The following PTPRK variants were observed in gnomAD, a reference collection of about 807,000 sequenced individuals.
PTPRK encodes protein tyrosine phosphatase receptor type K, also known as receptor-type tyrosine-protein phosphatase kappa.
PTPRK carries 75 observed loss-of-function variants against 178.0 expected under a neutral mutation model. That is an observed-to-expected ratio of 0.42 (90% CI 0.35 to 0.51). The LOEUF is 0.51. PTPRK is among the 20% of genes least tolerant of loss of function. The probability of loss-of-function intolerance (pLI) is 0.02; values close to 1 mark genes in which losing one functional copy is unlikely to be tolerated. For missense variants in PTPRK, 1,441 were observed against 1,797.8 expected (o/e 0.80, Z 3.59); for synonymous variants, 637 against 620.6 (o/e 1.03, Z -0.39).
intron 2 of PTPRK, among the ~76,000 whole-genome samples, chr6:128,381,849 T>G (rs1204629939): frequency 2.0e-5 from 3 of 152,140 alleles, no homozygotes; most frequent in Non-Finnish European, 4.4e-5. Flanking sequence ...AAACGGAAGT[T>G]TAGACTAGAG....
intron 1 of PTPRK, among the ~76,000 whole-genome samples, chr6:128,459,231 A>T (rs985366924): frequency 2.0e-5 from 3 of 152,130 alleles, no homozygotes; most frequent in Non-Finnish European, 4.4e-5. Flanking sequence ...GATCACACTA[A>T]ATTAATTTAC....
intron 3 of PTPRK, among the ~76,000 whole-genome samples, chr6:128,273,924 C>A (rs947203922): frequency 6.6e-6 from 1 of 152,070 alleles, no homozygotes. Flanking sequence ...TATACTCCCC[C>A]TTTTCACCAA....
At chr6:128,127,042 C>T (rs1326988159) in intron 7 of PTPRK, among the ~76,000 whole-genome samples, 1 of 151,852 alleles carries the variant, frequency 6.6e-6, no homozygotes, top group African/African-American at 2.4e-5. Flanking sequence ...GTTGAAAAGA[C>T]ACTACTTTCT....
intron 13 of PTPRK, among the ~76,000 whole-genome samples, chr6:128,033,254 G>A (rs1775654285): frequency 1.3e-5 from 2 of 152,148 alleles, no homozygotes; most frequent in Admixed American, 1.3e-4. Context: ...ATTTGACAGT[G>A]GATTTTATTG....
intron 3 of PTPRK, among the ~76,000 whole-genome samples, chr6:128,306,293 T>C (rs892393775): frequency 6.6e-6 from 1 of 152,148 alleles, no homozygotes; most frequent in African/African-American, 2.4e-5. Context: ...AATGATAGAA[T>C]GGATTGGATT....
chr6:127,997,760 C>CGGCA (rs1777330303), intron 16 of PTPRK, among the ~76,000 whole-genome samples: 1 of 152,028 alleles, frequency 6.6e-6, no homozygotes, highest in Non-Finnish European at 1.5e-5. Context: ...TTTGTTACCA[C>CGGCA]GGCAGTGTTT....
chr6:128,375,352 G>C (rs1356309086), intron 2 of PTPRK, among the ~76,000 whole-genome samples: 1 of 151,788 alleles, frequency 6.6e-6, no homozygotes, highest in African/African-American at 2.4e-5. Context: ...AGCAAGTTAT[G>C]TCTTACATGG....
intron 7 of PTPRK, among the ~76,000 whole-genome samples, chr6:128,166,716 C>A (rs975558440): frequency 6.6e-6 from 1 of 151,640 alleles, no homozygotes; most frequent in Non-Finnish European, 1.5e-5. Flanking sequence ...CATTATCCCC[C>A]AAGTTCATTT....
intron 5 of PTPRK, among the ~76,000 whole-genome samples, chr6:128,236,114 G>A (rs201860301): frequency 1.3e-5 from 2 of 151,920 alleles, no homozygotes; most frequent in East Asian, 3.9e-4. Context: ...CATCCACTGG[G>A]CTTTTTGGAA....
chr6:128,424,316 G>A (rs1843840625), intron 1 of PTPRK, among the ~76,000 whole-genome samples: 1 of 152,146 alleles, frequency 6.6e-6, no homozygotes, highest in Admixed American at 6.5e-5. Context: ...AAAGAATAGT[G>A]GCTGCGGAAA....
At chr6:128,338,601 G>A (rs1469851958) in intron 2 of PTPRK, among the ~76,000 whole-genome samples, 2 of 152,090 alleles carry the variant, frequency 1.3e-5, no homozygotes, top group African/African-American at 2.4e-5. Flanking sequence ...CCTACTGCTG[G>A]GTGCAGACAA....
chr6:127,979,030 A>G (rs1270570757), intron 25 of PTPRK, among the ~76,000 whole-genome samples: 1 of 152,206 alleles, frequency 6.6e-6, no homozygotes, highest in Non-Finnish European at 1.5e-5. Flanking sequence ...AGACAGTAAG[A>G]GCAGGTGGAT....
chr6:128,461,196 C>A (rs887537661), intron 1 of PTPRK, among the ~76,000 whole-genome samples: 2 of 151,818 alleles, frequency 1.3e-5, no homozygotes, highest in Non-Finnish European at 2.9e-5. Flanking sequence ...ATATGTATAA[C>A]CACCTTGTGA....
intron 18 of PTPRK, among the ~76,000 whole-genome samples, chr6:127,994,149 A>C (rs531502626): frequency 3.0e-4 from 45 of 151,768 alleles, no homozygotes; most frequent in Admixed American, 1.1e-3. Flanking sequence ...GCTTTATAAA[A>C]TATATTAGTT....
intron 2 of PTPRK, among the ~76,000 whole-genome samples, chr6:128,323,225 A>G (rs1829076202): frequency 6.6e-6 from 1 of 152,136 alleles, no homozygotes; most frequent in Non-Finnish European, 1.5e-5. Flanking sequence ...AAGTACAAAA[A>G]TGAGACTTGA....
chr6:128,143,394 G>C (rs1796053981), intron 7 of PTPRK, among the ~76,000 whole-genome samples: 1 of 152,092 alleles, frequency 6.6e-6, no homozygotes, highest in Admixed American at 6.6e-5. Flanking sequence ...CATAATACAT[G>C]AATGTTTTAT....
At chr6:128,483,325 G>A (rs994733244) in intron 1 of PTPRK, among the ~76,000 whole-genome samples, 1 of 151,618 alleles carries the variant, frequency 6.6e-6, no homozygotes, top group African/African-American at 2.4e-5. Flanking sequence ...TCCTATGAGA[G>A]GTATTTTTTT....
chr6:128,202,343 G>GGA (rs1806118816), intron 6 of PTPRK, among the ~76,000 whole-genome samples: 2 of 152,166 alleles, frequency 1.3e-5, no homozygotes, highest in African/African-American at 4.8e-5. Context: ...CTGCAGATCA[G>GGA]GAGATCCCCT....
chr6:128,337,629 A>G (rs1831121244), intron 2 of PTPRK, among the ~76,000 whole-genome samples: 1 of 152,230 alleles, frequency 6.6e-6, no homozygotes, highest in Non-Finnish European at 1.5e-5. Context: ...TGAATCTGAA[A>G]TACTCTAACA....
Sources: gnomAD v4.1 joint callset for allele counts (sites outside exome capture counted in the v4.1 genomes callset) on GRCh38, gnomAD v4.1.1 for gene constraint, MANE v1.5 for transcripts, NCBI Gene and HGNC (gene_info 2026-07-23, HGNC 2026-07-21) for gene names.